PPP1R9A: variants seen among roughly 807,000 people sequenced by gnomAD.
The protein encoded by PPP1R9A is neurabin-1.
PPP1R9A carries 59 observed loss-of-function variants against 141.9 expected under a neutral mutation model. That is an observed-to-expected ratio of 0.42 (90% confidence interval 0.34 to 0.52). PPP1R9A has a LOEUF of 0.52. Ranked by LOEUF, PPP1R9A falls within the 20% of genes least tolerant of loss-of-function variation. The pLI is 0.10. For synonymous variants in PPP1R9A, 500 were observed against 569.7 expected, an observed-to-expected ratio of 0.88 and a Z score of 1.74; for missense variants, 1,444 against 1,611.9, an observed-to-expected ratio of 0.90 and a Z score of 1.78.
intron 2 of PPP1R9A, among the ~76,000 whole-genome samples, chr7:95,101,475 G>C (rs1415375283): frequency 6.6e-6 from 1 of 152,044 alleles, no homozygotes; most frequent in Non-Finnish European, 1.5e-5. Flanking sequence ...TCCATCATAC[G>C]TACTTTCCAG....
At chr7:94,991,681 C>T (rs894157099) in intron 2 of PPP1R9A, among the ~76,000 whole-genome samples, 6 of 151,992 alleles carry the variant, frequency 3.9e-5, no homozygotes, top group Non-Finnish European at 7.4e-5. Flanking sequence ...GACAGAGTCT[C>T]GCTCTGTCAC....
chr7:94,927,293 C>T (rs1228886394), intron 2 of PPP1R9A, among the ~76,000 whole-genome samples: 1 of 152,028 alleles, frequency 6.6e-6, no homozygotes, highest in Non-Finnish European at 1.5e-5. Context: ...AAAAATGTAA[C>T]TATAAAAGTT....
chr7:95,187,255 A>G (rs1301562522), intron 5 of PPP1R9A, among the ~76,000 whole-genome samples: 1 of 151,904 alleles, frequency 6.6e-6, no homozygotes, highest in Non-Finnish European at 1.5e-5. Flanking sequence ...AGGGTTGTAT[A>G]TTTTCAGGAA....
At chr7:95,268,786 T>G in intron 13 of PPP1R9A, 79 bp downstream of exon 13, 12 of 1,524,954 alleles carry the variant, frequency 7.9e-6, no homozygotes, top group Non-Finnish European at 9.7e-6. Flanking sequence ...GATTATGATT[T>G]TTCTGCAAAC....
chr7:95,198,241 C>G, intron 5 of PPP1R9A, 108 bp from the exon 6 acceptor site: 2 of 1,058,626 alleles, frequency 1.9e-6, no homozygotes, highest in Non-Finnish European at 1.3e-6. Flanking sequence ...GGTGATATTA[C>G]TTTCTTGAGG....
At chr7:95,192,652 C>G (rs1835679876) in intron 5 of PPP1R9A, among the ~76,000 whole-genome samples, 1 of 152,048 alleles carries the variant, frequency 6.6e-6, no homozygotes, top group African/African-American at 2.4e-5. Context: ...GAAACAAAGG[C>G]TTAGAAATAT....
intron 6 of PPP1R9A, 63 bp from the exon 7 acceptor site, chr7:95,203,602 T>C (rs1790057543): frequency 8.0e-7 from 1 of 1,254,694 alleles, no homozygotes; most frequent in African/African-American, 1.5e-5. Context: ...TTCAATCCTT[T>C]ATCAGGCTGC....
chr7:95,213,443 C>T (rs1286125095), intron 7 of PPP1R9A, among the ~76,000 whole-genome samples: 1 of 151,482 alleles, frequency 6.6e-6, no homozygotes, highest in Non-Finnish European at 1.5e-5. Flanking sequence ...GCCTCAGCCT[C>T]CCAAGTAGCT....
chr7:95,123,440 G>A (rs754862828), intron 4 of PPP1R9A, among the ~76,000 whole-genome samples: 6 of 152,176 alleles, frequency 3.9e-5, no homozygotes, highest in African/African-American at 1.2e-4. Flanking sequence ...CCTGAGGTCC[G>A]GAGTTCGAGA....
At chr7:95,227,772 A>G (rs1311015523) in intron 8 of PPP1R9A, among the ~76,000 whole-genome samples, 1 of 152,178 alleles carries the variant, frequency 6.6e-6, no homozygotes, top group Non-Finnish European at 1.5e-5. Flanking sequence ...AGCTTGAGTA[A>G]CCAGATCTGT....
chr7:95,199,238 A>G (rs1788992799), intron 6 of PPP1R9A, among the ~76,000 whole-genome samples: 1 of 152,220 alleles, frequency 6.6e-6, no homozygotes, highest in Non-Finnish European at 1.5e-5. Flanking sequence ...ATGCTTTATT[A>G]TAAACACGTT....
Position 95,195,736 on chromosome 7 carries a change from A to G in PPP1R9A, c.1755-2613A>G, listed in dbSNP as rs143647826. On this transcript the variant is annotated intron_variant, in intron 5 of 19. Coordinates refer to ENST00000433360, the MANE Select transcript of PPP1R9A (RefSeq NM_001166160.2). ...GTTTGTATATGTATATTGAACATAC[A>G]TGGACAAGGATATGTGTCAAGAATA... is the stretch of plus-strand genomic sequence containing the variant. 4.6e-3 allele frequency among the ~76,000 whole-genome samples: 699 copies of G among 151,966 alleles called. 4 individuals are homozygous for G. The highest frequency in any genetic ancestry group is 0.015 in the African/African-American group (632 of 41,490).
intron 2 of PPP1R9A, among the ~76,000 whole-genome samples, chr7:95,093,328 C>T (rs1458338693): frequency 6.6e-6 from 1 of 152,126 alleles, no homozygotes; most frequent in East Asian, 1.9e-4. Flanking sequence ...AGGGAGCCAA[C>T]CACTTTTATA....
At position 95,257,760 on chromosome 7, in the gene PPP1R9A, T is replaced by C. The variant is rs542754765; in HGVS notation, c.2665+5630T>C. ...CAATTCTCACCTATGAGTGAGAACA[T>C]GCGGTGTTTGGTTTTTTGTCCTTGC... On this transcript the variant is annotated intron_variant, in intron 12 of 19. Coordinates refer to ENST00000433360, the MANE Select transcript of PPP1R9A (RefSeq NM_001166160.2). Among the ~76,000 whole-genome samples, 12 of 152,144 alleles carry C rather than the reference T, an allele frequency of 7.9e-5. No homozygotes were observed. In the East Asian group the frequency reaches 2.3e-3, roughly 30 times the overall value.
intron 3 of PPP1R9A, among the ~76,000 whole-genome samples, chr7:95,117,719 A>G (rs74802792): frequency 0.015 from 2,223 of 152,242 alleles, 51 homozygotes; most frequent in African/African-American, 0.05. Context: ...TTTGTACGGT[A>G]ATGAGTATGG....
chr7:94,988,043 TG>T (rs1801060945), intron 2 of PPP1R9A, among the ~76,000 whole-genome samples: 1 of 152,124 alleles, frequency 6.6e-6, no homozygotes, highest in Non-Finnish European at 1.5e-5. Context: ...TACTTGGAAT[TG>T]GATCAGAGGT....
chr7:94,967,303 G>C (rs1171959747), intron 2 of PPP1R9A, among the ~76,000 whole-genome samples: 1 of 151,720 alleles, frequency 6.6e-6, no homozygotes, highest in Non-Finnish European at 1.5e-5. Context: ...GGTTTTTCAT[G>C]TCTCTGTCTC....
At position 95,251,864 on chromosome 7, in the gene PPP1R9A, T is replaced by A; in HGVS notation, c.2493+6T>A. 6.2e-7 allele frequency: 1 copy of A among 1,613,790 alleles called. No individual in the cohort carries two copies. The highest frequency in any genetic ancestry group is 8.5e-7 in the Non-Finnish European group (1 of 1,179,864). On this transcript the variant is annotated splice_donor_region_variant and intron_variant, in intron 11 of 19. Coordinates refer to ENST00000433360, the MANE Select transcript of PPP1R9A (RefSeq NM_001166160.2). The stretch of plus-strand genomic sequence containing the variant: ...TGCAAGGCCTCCAAGTGCGGGTAAG[T>A]TGTGTTCCCTAAGACACTAAATAAT...
Position 95,252,017 on chromosome 7 carries a change from A to G in PPP1R9A, c.2552A>G (p.Asn851Ser). 6.2e-7 allele frequency: 1 copy of G among 1,613,302 alleles called. No individual in the cohort carries two copies. The highest frequency in any genetic ancestry group is 8.5e-7 in the Non-Finnish European group (1 of 1,179,786). ...RLLKQNGTQV[N>S]NNNNIFERRT... ...CTGAAGCAAAATGGGACTCAAGTTA[A>G]CAATAATAACAACATCTTTGAGAGA... is the stretch of plus-strand genomic sequence containing the variant. Residue 851 changes from asparagine (N) to serine (S), a missense_variant, in exon 12 of 20, where the codon AAC becomes AGC. Asn to Ser is a conservative substitution (Grantham distance 46). Transcript: ENST00000433360.
Sources: gnomAD v4.1 joint callset for allele counts (sites outside exome capture counted in the v4.1 genomes callset) on GRCh38, gnomAD v4.1.1 for gene constraint, MANE v1.5 for transcripts, NCBI Gene and HGNC (gene_info 2026-07-23, HGNC 2026-07-21) for gene names.